Variants in RAP1A observed in about 807,000 individuals in gnomAD.
The protein encoded by RAP1A is RAP1A, member of RAS oncogene family, also known as ras-related protein Rap-1A.
A neutral mutation model predicts 26.4 loss-of-function variants in RAP1A; 6 were observed. The ratio of observed to expected loss-of-function variants is 0.23; its 90% CI spans 0.12 to 0.45. The LOEUF (loss-of-function observed/expected upper bound fraction) is 0.45. Among genes scored for constraint, RAP1A ranks in the 20% least tolerant of loss-of-function variants. The pLI, the probability that RAP1A is intolerant of heterozygous loss-of-function variation, is 0.99. For synonymous variants in RAP1A, 73 were observed against 79.4 expected (o/e 0.92, Z 0.43); for missense variants, 121 against 217.2 (o/e 0.56, Z 2.78).
chr1:111,598,355 T>C (rs1204225829), intron 1 of RAP1A, among the ~76,000 whole-genome samples: 1 of 152,154 alleles, frequency 6.6e-6, no homozygotes, highest in East Asian at 1.9e-4. Context: ...GAAACTGAGT[T>C]TACATATAAG....
intron 1 of RAP1A, among the ~76,000 whole-genome samples, chr1:111,658,719 A>G (rs921152970): frequency 2.6e-5 from 4 of 152,216 alleles, no homozygotes; most frequent in Non-Finnish European, 5.9e-5. Flanking sequence ...AATGTCCTGC[A>G]GTACCTGGCT....
rs1032003558 is a variant in RAP1A, at chr1:111,619,789, G to A, written c.-173G>A. On this transcript the variant is annotated 5_prime_UTR_variant, in exon 1 of 8. Transcript: ENST00000369709. Reference sequence around the variant, plus strand: ...GCGTGCGCGTTCTGGAGGAGGCGCCGCCGCCGCTCCCGAGGCCCCTGCCGC... The same window carrying A: ...GCGTGCGCGTTCTGGAGGAGGCGCCACCGCCGCTCCCGAGGCCCCTGCCGC... The A allele has an allele frequency of 7.5e-6, 3 of 398,058 alleles. No homozygotes were observed. Among genetic ancestry groups the A allele is most frequent in the Non-Finnish European group, 1.3e-5 (3 of 225,940 alleles). 24.7% of individuals were successfully genotyped at this position (398,058 alleles called of 1,614,324 possible). A position where few individuals can be genotyped will look rare whatever the true frequency, so the allele number is the denominator to read the frequency against.
intron 6 of RAP1A, among the ~76,000 whole-genome samples, chr1:111,706,456 A>G (rs1213983786): frequency 7.5e-6 from 1 of 133,764 alleles, no homozygotes; most frequent in Non-Finnish European, 1.7e-5. Flanking sequence ...TAATTCATTC[A>G]TATATATATA....
intron 1 of RAP1A, among the ~76,000 whole-genome samples, chr1:111,657,834 G>T (rs77443595): frequency 6.6e-6 from 1 of 151,926 alleles, no homozygotes. Flanking sequence ...TTTTCATTCT[G>T]TTCAAAATAC....
intron 1 of RAP1A, chr1:111,649,116 T>C (rs1660174777): frequency 1.7e-6 from 1 of 592,156 alleles, no homozygotes; most frequent in South Asian, 1.4e-5. Context: ...ATGGGCATTG[T>C]CAATCTGCAG....
At position 111,709,411 on chromosome 1, in the gene RAP1A, CTG is replaced by C. The variant is rs1229185291; in HGVS notation, c.*29+149_*29+150del. 13 of 952,428 alleles carry C rather than the reference CTG, an allele frequency of 1.4e-5. No homozygotes were observed. The Admixed American group carries it at 2.2e-4, about 16-fold the overall frequency. 59.0% of individuals were successfully genotyped at this position (952,428 alleles called of 1,614,324 possible). A position where few individuals can be genotyped will look rare whatever the true frequency, so the allele number is the denominator to read the frequency against. ...GATATATAACTTGTAGGTACGTCAT[CTG>C]TTGGATAACTTGCCCTCTCCCCTTG... On this transcript the variant is annotated intron_variant, in intron 7 of 7. Transcript: ENST00000369709.
chr1:111,613,427 C>A (rs186761337), intron 1 of RAP1A, among the ~76,000 whole-genome samples: 6 of 152,248 alleles, frequency 3.9e-5, no homozygotes, highest in African/African-American at 1.4e-4. Context: ...TCTCGATCTC[C>A]TGACCTCGTG....
intron 1 of RAP1A, among the ~76,000 whole-genome samples, chr1:111,633,928 G>C (rs1659648374): frequency 6.6e-6 from 1 of 152,188 alleles, no homozygotes; most frequent in African/African-American, 2.4e-5. Context: ...CTGCCTACAT[G>C]GGTACATAAG....
rs990904999 is a variant in RAP1A, at chr1:111,689,191, C to T, written c.-27-2143C>T. Among the ~76,000 whole-genome samples the T allele has an allele frequency of 3.9e-5, 6 of 152,150 alleles. No individual in the cohort carries two copies. In the East Asian group the frequency reaches 1.2e-3, roughly 29 times the overall value. ...TGTCATTATTTCTTCAAATGCACTGCTCCCCATTCCAGTTACATATATATT... is the reference window on the plus strand; with the variant it reads ...TGTCATTATTTCTTCAAATGCACTGTTCCCCATTCCAGTTACATATATATT... On this transcript the variant is annotated intron_variant, in intron 1 of 7. Coordinates refer to ENST00000369709, the MANE Select transcript of RAP1A (RefSeq NM_002884.4).
In RAP1A at chr1:111,714,245, A is replaced by G. The variant is rs1571582415; in HGVS notation, c.*1844A>G. On this transcript the variant is annotated 3_prime_UTR_variant, in exon 8 of 8. Transcript: ENST00000369709. ...TCTGGGATTGAGGGGCCAAAACTAT[A>G]GCGAACTTGAATGAAGTATTAGGGC... 6.6e-6 allele frequency: 1 copy of G among 152,186 alleles called. No individual in the cohort carries two copies. Among genetic ancestry groups the G allele is most frequent in the Admixed American group, 6.5e-5 (1 of 15,282 alleles). 9.4% of individuals were successfully genotyped at this position (152,186 alleles called of 1,614,324 possible). A position where few individuals can be genotyped will look rare whatever the true frequency, so the allele number is the denominator to read the frequency against.
At chr1:111,686,114 G>T (rs1417817154) in intron 1 of RAP1A, among the ~76,000 whole-genome samples, 1 of 151,116 alleles carries the variant, frequency 6.6e-6, no homozygotes. Context: ...TCACACGCCG[G>T]GGCCTGTCGG....
intron 1 of RAP1A, among the ~76,000 whole-genome samples, chr1:111,600,270 C>G (rs1004624707): frequency 4.6e-5 from 7 of 152,230 alleles, no homozygotes; most frequent in Non-Finnish European, 8.8e-5. Context: ...ATTGCAGAGG[C>G]CTCGCCTGGC....
chr1:111,624,819 A>G (rs1659343444), intron 1 of RAP1A, among the ~76,000 whole-genome samples: 1 of 152,206 alleles, frequency 6.6e-6, no homozygotes, highest in African/African-American at 2.4e-5. Context: ...CGCATGGAAA[A>G]TTAAATGTTT....
intron 1 of RAP1A, among the ~76,000 whole-genome samples, chr1:111,631,227 G>C (rs1251490071): frequency 1.3e-5 from 2 of 152,160 alleles, no homozygotes; most frequent in African/African-American, 4.8e-5. Flanking sequence ...TAGTTTTTAA[G>C]TCTTTGGCAA....
chr1:111,558,625 A>C (rs1657609858), intron 1 of RAP1A, among the ~76,000 whole-genome samples: 3 of 151,806 alleles, frequency 2.0e-5, no homozygotes, highest in African/African-American at 2.4e-5. Context: ...TGTAGTTATA[A>C]TACATGACTA....
At chr1:111,633,377 A>G (rs17028134) in intron 1 of RAP1A, among the ~76,000 whole-genome samples, 11,151 of 152,266 alleles carry the variant, frequency 0.073, 476 homozygotes, top group African/African-American at 0.13. Flanking sequence ...GCAAGTATCA[A>G]TTTGCTCTAT....
At chr1:111,670,540 A>G (rs1020817907) in intron 1 of RAP1A, among the ~76,000 whole-genome samples, 1 of 152,156 alleles carries the variant, frequency 6.6e-6, no homozygotes, top group Admixed American at 6.6e-5. Context: ...CTTAGGTTAG[A>G]AAAACATTAG....
intron 1 of RAP1A, chr1:111,648,984 A>T (rs1033048824): frequency 3.2e-6 from 2 of 631,822 alleles, no homozygotes; most frequent in African/African-American, 3.6e-5. Context: ...CTCTGGCTTC[A>T]GCTGCAGCCA....
chr1:111,549,930 G>A (rs1657195038), intron 1 of RAP1A, among the ~76,000 whole-genome samples: 1 of 152,194 alleles, frequency 6.6e-6, no homozygotes, highest in Non-Finnish European at 1.5e-5. Flanking sequence ...TGGAATTACA[G>A]GCATGAGCAC....
Sources: gnomAD v4.1 joint callset for allele counts (sites outside exome capture counted in the v4.1 genomes callset) on GRCh38, gnomAD v4.1.1 for gene constraint, MANE v1.5 for transcripts, NCBI Gene and HGNC (gene_info 2026-07-23, HGNC 2026-07-21) for gene names.